The following AXIN1 variants were observed in gnomAD, a reference collection of about 807,000 sequenced individuals.
The protein encoded by AXIN1 is axin-1.
AXIN1 carries 30 observed loss-of-function variants against 76.4 expected under a neutral mutation model. The observed-to-expected ratio is 0.39, with a 90% confidence interval of 0.29 to 0.53. AXIN1 has a LOEUF of 0.53. AXIN1 is among the 20% of genes least tolerant of loss of function. The pLI is 0.66. For missense variants in AXIN1, 1,140 were observed against 1,198.8 expected (o/e 0.95, Z 0.72); for synonymous variants, 545 against 501.4 (o/e 1.09, Z -1.16).
intron 2 of AXIN1, among the ~76,000 whole-genome samples, chr16:324,673 G>C (rs543941114): frequency 7.7e-4 from 118 of 152,372 alleles, no homozygotes; most frequent in Middle Eastern, 6.8e-3. Context: ...GACAAGCTAA[G>C]TCGTACTTTA....
intron 5 of AXIN1, among the ~76,000 whole-genome samples, chr16:303,052 G>A (rs1320038531): frequency 6.6e-6 from 1 of 152,218 alleles, no homozygotes; most frequent in African/African-American, 2.4e-5. Context: ...TCTAGAGACA[G>A]GAATTTGCCA....
intron 1 of AXIN1, among the ~76,000 whole-genome samples, chr16:351,879 T>A (rs1187207864): frequency 6.6e-6 from 1 of 152,080 alleles, no homozygotes; most frequent in Non-Finnish European, 1.5e-5. Flanking sequence ...TCACGGGGGC[T>A]AAATTCCAAA....
chr16:320,743 A>ATATATATTT (rs397722732), intron 2 of AXIN1, among the ~76,000 whole-genome samples: 59 of 107,620 alleles, frequency 5.5e-4, no homozygotes, highest in African/African-American at 2.0e-3. Flanking sequence ...ATATATATAT[A>ATATATATTT]TTTTTTTTTT....
intron 2 of AXIN1, among the ~76,000 whole-genome samples, chr16:340,789 G>A (rs1326476399): frequency 6.6e-6 from 1 of 152,178 alleles, no homozygotes; most frequent in African/African-American, 2.4e-5. Flanking sequence ...CACAGAAAAG[G>A]GCCAGGAATG....
At chr16:334,151 CACAGCACCCAGTACCATGGCACACCAATA>C (rs2053752762) in intron 2 of AXIN1, among the ~76,000 whole-genome samples, 1 of 150,224 alleles carries the variant, frequency 6.7e-6, no homozygotes, top group Non-Finnish European at 1.5e-5. Flanking sequence ...ATGCCAATAA[CACAGCACCCAGTACCATGGCACACCAATA>C]ACAGCACCCA....
chr16:327,937 T>A (rs184358482), intron 2 of AXIN1, among the ~76,000 whole-genome samples: 115 of 152,268 alleles, frequency 7.6e-4, no homozygotes, highest in African/African-American at 2.5e-3. Flanking sequence ...CAACTAACTG[T>A]CTGTGAGACT....
intron 7 of AXIN1, among the ~76,000 whole-genome samples, chr16:294,755 C>CAAAAAAA (rs1015576394): frequency 1.2e-4 from 3 of 24,756 alleles, no homozygotes; most frequent in Admixed American, 5.3e-4. Context: ...AACCCCATCT[C>CAAAAAAA]AAAAAAAAAA....
chr16:349,509 C>T (rs756992550), intron 1 of AXIN1, among the ~76,000 whole-genome samples: 5 of 152,122 alleles, frequency 3.3e-5, no homozygotes, highest in Non-Finnish European at 5.9e-5. Flanking sequence ...ACCAAGTCAC[C>T]GGAGAGTGGA....
At chr16:290,756 C>T in intron 9 of AXIN1, 1 of 340,982 alleles carries the variant, frequency 2.9e-6, no homozygotes, top group Non-Finnish European at 5.8e-6. Flanking sequence ...TGGACAGACA[C>T]GCATGGCTGA....
chr16:307,245 G>A (rs998097174), intron 4 of AXIN1, among the ~76,000 whole-genome samples: 9 of 152,120 alleles, frequency 5.9e-5, no homozygotes, highest in Admixed American at 1.3e-4. Context: ...CACTCATGCC[G>A]CCACGCGAGC....
chr16:313,146 A>G (rs1428324697), intron 3 of AXIN1, among the ~76,000 whole-genome samples: 1 of 152,248 alleles, frequency 6.6e-6, no homozygotes, highest in Admixed American at 6.5e-5. Context: ...CACAAAAATT[A>G]TAATAATCAT....
chr16:297,393 C>G (rs953111486), intron 6 of AXIN1, among the ~76,000 whole-genome samples, 167 bp from the exon 7 acceptor site: 1 of 151,910 alleles, frequency 6.6e-6, no homozygotes, highest in Admixed American at 6.6e-5. Context: ...GCCAGCTTGT[C>G]CCCCACCCGC....
In AXIN1 at chr16:297,246, G is replaced by C. The variant is rs372629435; in HGVS notation, c.1785-20C>G. 1 of 1,602,586 alleles carries C rather than the reference G, an allele frequency of 6.2e-7. No individual in the cohort carries two copies. The highest frequency in any genetic ancestry group is 8.5e-7 in the Non-Finnish European group (1 of 1,179,680). On this transcript the variant is annotated intron_variant, in intron 6 of 10. Coordinates refer to ENST00000262320, the MANE Select transcript of AXIN1 (RefSeq NM_003502.4). ...TTCCCACTGCAAGGGCAAGAGCTGC[G>C]AGTCGCCCTGGCCTCCGGTGGCCGA...
rs536246479 is a variant in AXIN1 at position 293,323 on chromosome 16, C to T, written c.2186+165G>A. On this transcript the variant is annotated intron_variant, in intron 8 of 10. Coordinates refer to ENST00000262320, the MANE Select transcript of AXIN1 (RefSeq NM_003502.4). The surrounding 1 kb of genome is among the most constrained non-coding windows in gnomAD (Gnocchi z 4.6). ...CCGTCCACCGCAGGGTGGCCTGCCA[C>T]GTGGCCCCTCAGTGGTTCTCAGTGG... 1.4e-3 allele frequency: 967 copies of T among 710,970 alleles called. 3 individuals are homozygous for T. The highest frequency in any genetic ancestry group is 1.8e-3 in the Non-Finnish European group (796 of 432,134). 44.0% of individuals were successfully genotyped at this position (710,970 alleles called of 1,614,324 possible).
At chr16:288,295 T>C in intron 10 of AXIN1, 47 bp from the exon 11 acceptor site, 2 of 1,612,542 alleles carry the variant, frequency 1.2e-6, no homozygotes, top group African/African-American at 1.3e-5. Flanking sequence ...GCACCGCAGA[T>C]GGGAAGGAGG....
intron 4 of AXIN1, among the ~76,000 whole-genome samples, chr16:307,173 G>A (rs2053049874): frequency 6.6e-6 from 1 of 152,188 alleles, no homozygotes; most frequent in African/African-American, 2.4e-5. Context: ...CAGAGACCAA[G>A]GGCAGGATGA....
At chr16:320,743 A>ATATTTTTTTTTTT (rs397722732) in intron 2 of AXIN1, among the ~76,000 whole-genome samples, 8 of 107,660 alleles carry the variant, frequency 7.4e-5, no homozygotes, top group African/African-American at 1.8e-4. Context: ...ATATATATAT[A>ATATTTTTTTTTTT]TTTTTTTTTT....
intron 3 of AXIN1, among the ~76,000 whole-genome samples, chr16:313,135 C>T (rs1253163370): frequency 6.6e-6 from 1 of 152,162 alleles, no homozygotes. Flanking sequence ...GGCCTCGTCT[C>T]CACAAAAATT....
intron 5 of AXIN1, 77 bp from the exon 6 acceptor site, chr16:298,328 A>AC (rs1184875735): frequency 5.2e-6 from 8 of 1,529,964 alleles, no homozygotes; most frequent in Non-Finnish European, 7.0e-6. Flanking sequence ...ATCAGGCCTG[A>AC]CCCAGCAGCC....
Sources: allele counts gnomAD v4.1 joint callset (sites outside exome capture counted in the v4.1 genomes callset), GRCh38; gene constraint gnomAD v4.1.1; non-coding constraint Gnocchi (gnomAD v3.1); transcripts MANE v1.5; gene names NCBI Gene and HGNC (gene_info 2026-07-23, HGNC 2026-07-21).